GPHN: variants seen among roughly 807,000 people sequenced by gnomAD.
GPHN encodes the protein gephyrin.
GPHN carries 17 observed loss-of-function variants against 95.5 expected under a neutral mutation model. That is an observed-to-expected ratio of 0.18 (90% CI 0.12 to 0.27). The LOEUF is 0.27. Among genes scored for constraint, GPHN ranks in the 10% least tolerant of loss-of-function variants. The pLI, the probability that GPHN is intolerant of heterozygous loss-of-function variation, is 1.00. For synonymous variants in GPHN, 320 were observed against 322.5 expected, an observed-to-expected ratio of 0.99 and a Z score of 0.08; for missense variants, 660 against 978.1, an observed-to-expected ratio of 0.67 and a Z score of 4.34.
At chr14:67,514,825 C>G in the GPHN span, among the ~76,000 whole-genome samples, 3 of 152,206 alleles carry the variant, frequency 2.0e-5, no homozygotes, top group Admixed American at 6.5e-5. Flanking sequence ...AACACGCCCC[C>G]CTGTGCGCCC....
At chr14:67,165,911 A>G (rs1053040392) in intron 20 of GPHN, among the ~76,000 whole-genome samples, 4 of 152,216 alleles carry the variant, frequency 2.6e-5, no homozygotes, top group Non-Finnish European at 5.9e-5. Flanking sequence ...ATATAAAGTC[A>G]TGGTGAATCT....
At chr14:67,557,834 C>A in the GPHN span, among the ~76,000 whole-genome samples, 2 of 152,232 alleles carry the variant, frequency 1.3e-5, no homozygotes, top group African/African-American at 4.8e-5. Context: ...GTAAGGAGAA[C>A]TTTTCTTTCT....
the GPHN span, among the ~76,000 whole-genome samples, chr14:67,713,297 C>G: frequency 6.7e-6 from 1 of 150,252 alleles, no homozygotes; most frequent in Non-Finnish European, 1.5e-5. Context: ...CCTCATTTTC[C>G]CTATTGGAAG....
intron 9 of GPHN, among the ~76,000 whole-genome samples, chr14:67,003,100 T>G (rs1024834422): frequency 6.6e-6 from 1 of 151,574 alleles, no homozygotes; most frequent in Non-Finnish European, 1.5e-5. Context: ...CAATTGTCTT[T>G]TTCTCCAAAA....
intron 2 of GPHN, among the ~76,000 whole-genome samples, chr14:66,756,594 A>G (rs998804990): frequency 6.6e-6 from 1 of 152,218 alleles, no homozygotes; most frequent in Non-Finnish European, 1.5e-5. Flanking sequence ...GTTTGCTCCA[A>G]GAACACATAA....
intron 11 of GPHN, among the ~76,000 whole-genome samples, chr14:67,077,377 C>G (rs1364385227): frequency 6.6e-6 from 1 of 152,168 alleles, no homozygotes; most frequent in Non-Finnish European, 1.5e-5. Flanking sequence ...GATGTTCACT[C>G]TCTTAGCTCT....
chr14:67,445,501 G>A, the GPHN span, among the ~76,000 whole-genome samples: 6 of 150,942 alleles, frequency 4.0e-5, no homozygotes, highest in Non-Finnish European at 2.9e-5. Context: ...GTTCAGAAGC[G>A]GTATTAGGAA....
chr14:67,385,885 AAC>A, the GPHN span: 1 of 152,182 alleles, frequency 6.6e-6, no homozygotes, highest in Non-Finnish European at 1.5e-5. Context: ...TGCTAAGAAG[AAC>A]AGTTATTACT....
At chr14:66,977,422 C>A (rs1284897372) in intron 9 of GPHN, among the ~76,000 whole-genome samples, 3 of 151,450 alleles carry the variant, frequency 2.0e-5, no homozygotes, top group Admixed American at 6.6e-5. Flanking sequence ...CAGAGCGAGA[C>A]CCCATCTCAA....
chr14:67,154,606 GATATAGATAT>G (rs538826299), intron 18 of GPHN, among the ~76,000 whole-genome samples: 7 of 151,960 alleles, frequency 4.6e-5, no homozygotes, highest in Admixed American at 2.0e-4. Context: ...TCATTATATA[GATATAGATAT>G]ATATAGATAT....
At chr14:67,398,756 C>A in the GPHN span, among the ~76,000 whole-genome samples, 1 of 152,264 alleles carries the variant, frequency 6.6e-6, no homozygotes, top group East Asian at 1.9e-4. Context: ...CGAGGTCTCA[C>A]TATACTCCCT....
At chr14:66,967,856 G>A (rs995891015) in intron 9 of GPHN, among the ~76,000 whole-genome samples, 1 of 151,806 alleles carries the variant, frequency 6.6e-6, no homozygotes, top group African/African-American at 2.4e-5. Flanking sequence ...CACCAGGGGC[G>A]TGAAGAATGA....
At chr14:67,412,044 G>C in the GPHN span, 6 of 1,556,524 alleles carry the variant, frequency 3.9e-6, no homozygotes, top group Non-Finnish European at 5.2e-6. Context: ...CCCTCCTTGA[G>C]CACGCCGTCC....
chr14:66,670,896 A>C lies in GPHN; in HGVS notation c.65-10211A>C, dbSNP rs983793719. Among the ~76,000 whole-genome samples the C allele has an allele frequency of 9.2e-5, 14 of 152,360 alleles. No individual in the cohort carries two copies. In the East Asian group the frequency reaches 2.7e-3, roughly 29 times the overall value. ...TGTACCTAGGTACTTATAAGAAAGA[A>C]AACAAATTTTCTCAGATTTTTTTGA... is the stretch of plus-strand genomic sequence containing the variant. On this transcript the variant is annotated intron_variant, in intron 1 of 22. Coordinates refer to ENST00000478722, the MANE Select transcript of GPHN (RefSeq NM_020806.5).
the GPHN span, among the ~76,000 whole-genome samples, chr14:67,254,649 T>G: frequency 6.6e-6 from 1 of 152,214 alleles, no homozygotes; most frequent in Non-Finnish European, 1.5e-5. Context: ...GCACCAGATA[T>G]GAGTCCTTAT....
intron 11 of GPHN, among the ~76,000 whole-genome samples, chr14:67,066,990 T>A (rs1452572378): frequency 1.3e-5 from 2 of 152,202 alleles, no homozygotes; most frequent in Non-Finnish European, 2.9e-5. Context: ...GGAGCTGCGA[T>A]CCTTTGGAGG....
chr14:66,709,164 C>G (rs2069370192), intron 2 of GPHN, among the ~76,000 whole-genome samples: 1 of 152,092 alleles, frequency 6.6e-6, no homozygotes, highest in Non-Finnish European at 1.5e-5. Context: ...TTTGTTAGGG[C>G]CTTTATTTGA....
At chr14:66,949,912 G>A (rs2067987217) in intron 8 of GPHN, among the ~76,000 whole-genome samples, 1 of 140,826 alleles carries the variant, frequency 7.1e-6, no homozygotes, top group African/African-American at 2.6e-5. Flanking sequence ...TTTTGACTGT[G>A]TATTCTGATT....
rs1555503627 is a variant in GPHN, at chr14:67,150,464, A to AACAAAACAAAAC, written c.1836+7016_1836+7017insCAAAACAAAACA. On this transcript the variant is annotated intron_variant, in intron 18 of 22. Transcript: ENST00000478722. ...TCAAAAAAAAAAAACAAAAAAAAAA[A>AACAAAACAAAAC]AAAAAAAAACATTGTAAGGTTTTCA... Among the ~76,000 whole-genome samples the AACAAAACAAAAC allele has an allele frequency of 1.1e-4, 15 of 136,204 alleles. 1 individual carries two copies. Among genetic ancestry groups the AACAAAACAAAAC allele is most frequent in the African/African-American group, 3.9e-4 (15 of 38,124 alleles). 89.4% of individuals were successfully genotyped at this position (136,204 alleles called of 152,430 possible). A position where few individuals can be genotyped will look rare whatever the true frequency, so the allele number is the denominator to read the frequency against.
Sources: allele counts gnomAD v4.1 joint callset (sites outside exome capture counted in the v4.1 genomes callset), GRCh38; gene constraint gnomAD v4.1.1; transcripts MANE v1.5; gene names NCBI Gene and HGNC (gene_info 2026-07-23, HGNC 2026-07-21).